Variants in COL4A1 observed in about 807,000 individuals in gnomAD.
The protein encoded by COL4A1 is collagen type IV alpha 1 chain.
Under a neutral mutation model 216.6 loss-of-function variants are expected in COL4A1, and 40 were observed. The ratio of observed to expected loss-of-function variants is 0.18; its 90% CI spans 0.14 to 0.24. The LOEUF is 0.24. Among genes scored for constraint, COL4A1 ranks in the 10% least tolerant of loss-of-function variants. The probability of loss-of-function intolerance (pLI) is 1.00; values close to 1 mark genes in which losing one functional copy is unlikely to be tolerated. For synonymous variants in COL4A1, 839 were observed against 810.7 expected (o/e 1.03, Z -0.59); for missense variants, 1,628 against 2,196.8 (o/e 0.74, Z 5.18).
At position 110,186,516 on chromosome 13, in the gene COL4A1, C is replaced by G; in HGVS notation, c.1766G>C (p.Gly589Ala). 1 of 1,613,952 alleles carries G rather than the reference C, an allele frequency of 6.2e-7. No homozygotes were observed. Among genetic ancestry groups the G allele is most frequent in the South Asian group, 1.1e-5 (1 of 91,082 alleles). ...VGLKGERGPP[G>A]GVGFPGSRGD... is the part of the protein sequence containing the mutation. ...ACGACTGCCTGGGAATCCAACTCCT[C>G]CAGGGGGGCCACGCTCTCCTTTCAA... The change falls in exon 26 of 52, where the codon GGA becomes GCA. Residue 589 changes from glycine (G) to alanine (A), a missense_variant. This residue lies in a region of COL4A1 where 701 missense variants were observed against 892.5 expected (regional missense o/e 0.79). Transcript: ENST00000375820.
intron 2 of COL4A1, among the ~76,000 whole-genome samples, chr13:110,219,682 A>G (rs200491563): frequency 0.031 from 4,190 of 133,648 alleles, 101 homozygotes; most frequent in Non-Finnish European, 0.046. Flanking sequence ...ATATATGTGT[A>G]TATATATGTA....
intron 1 of COL4A1, among the ~76,000 whole-genome samples, chr13:110,297,279 G>C (rs909097592): frequency 2.0e-5 from 3 of 152,066 alleles, no homozygotes; most frequent in African/African-American, 7.2e-5. Context: ...TTATCACTTC[G>C]GATTCCAAGA....
chr13:110,276,037 G>A (rs1475683920), intron 1 of COL4A1, among the ~76,000 whole-genome samples: 1 of 112,346 alleles, frequency 8.9e-6, no homozygotes, highest in African/African-American at 3.5e-5. Flanking sequence ...AGCACCGAGA[G>A]TGAACCCCAG....
chr13:110,204,209 G>A (rs892351138), intron 17 of COL4A1, among the ~76,000 whole-genome samples: 1 of 152,006 alleles, frequency 6.6e-6, no homozygotes. Flanking sequence ...AAACGTCATC[G>A]TAATGATTTA....
intron 49 of COL4A1, among the ~76,000 whole-genome samples, chr13:110,158,739 CTTTT>C (rs556230875): frequency 4.7e-5 from 5 of 105,824 alleles, no homozygotes; most frequent in Admixed American, 1.0e-4. Context: ...AAGAAATAAA[CTTTT>C]TTTTTTTTTT....
intron 28 of COL4A1, among the ~76,000 whole-genome samples, chr13:110,182,702 C>G (rs3783111): frequency 6.6e-6 from 1 of 152,030 alleles, no homozygotes; most frequent in Admixed American, 6.5e-5. Flanking sequence ...GTCTTCCTCA[C>G]GGATAAAAAG....
intron 2 of COL4A1, among the ~76,000 whole-genome samples, chr13:110,238,136 A>C (rs1881405904): frequency 6.6e-6 from 1 of 152,228 alleles, no homozygotes; most frequent in African/African-American, 2.4e-5. Context: ...TAGACAATCT[A>C]ATTAGTAATA....
intron 1 of COL4A1, among the ~76,000 whole-genome samples, chr13:110,253,404 ATAT>A (rs1882313500): frequency 3.0e-4 from 1 of 3,294 alleles, no homozygotes; most frequent in African/African-American, 4.0e-4. Context: ...ACATATAATT[ATAT>A]GTATTACATA....
At chr13:110,227,576 G>A (rs566776065) in intron 2 of COL4A1, among the ~76,000 whole-genome samples, 2 of 152,234 alleles carry the variant, frequency 1.3e-5, no homozygotes, top group South Asian at 4.2e-4. Context: ...TCTGAGGTCT[G>A]GGACACATCA....
At chr13:110,217,388 C>T (rs374346377) in intron 2 of COL4A1, among the ~76,000 whole-genome samples, 3 of 152,192 alleles carry the variant, frequency 2.0e-5, no homozygotes, top group African/African-American at 7.2e-5. Flanking sequence ...AGTGACCCCC[C>T]ACTTCCACTG....
At chr13:110,290,011 G>C (rs1408714513) in intron 1 of COL4A1, among the ~76,000 whole-genome samples, 3 of 152,214 alleles carry the variant, frequency 2.0e-5, no homozygotes, top group Non-Finnish European at 2.9e-5. Context: ...TGAAGGGAAG[G>C]GTTGGCTGAA....
intron 22 of COL4A1, 95 bp downstream of exon 22, chr13:110,194,928 G>T: frequency 1.0e-6 from 1 of 980,154 alleles, no homozygotes; most frequent in Non-Finnish European, 1.6e-6. Context: ...CCCTAACTCT[G>T]CCCACCCCCA....
At chr13:110,161,114 A>G in intron 49 of COL4A1, 78 bp downstream of exon 49, 1 of 1,473,940 alleles carries the variant, frequency 6.8e-7, no homozygotes, top group Non-Finnish European at 9.5e-7. Context: ...TTGGAGAAAA[A>G]TAGAAAACAT....
Position 110,222,771 on chromosome 13 carries a change from T to TAAAAAAA in COL4A1, c.145-8757_145-8756insTTTTTTT, listed in dbSNP as rs751501177. On this transcript the variant is annotated intron_variant, in intron 2 of 51. Transcript: ENST00000375820. ...CTGGGCGACAGAGCCAGACTCTGCT[T>TAAAAAAA]TAAAAAAAAAAAAAAAAAAAAAAAA... is the stretch of plus-strand genomic sequence containing the variant. Among the ~76,000 whole-genome samples, 39 of 93,406 alleles carry TAAAAAAA rather than the reference T, an allele frequency of 4.2e-4. 1 individual carries two copies. The highest frequency in any genetic ancestry group is 1.4e-3 in the East Asian group (4 of 2,940). 61.3% of individuals were successfully genotyped at this position (93,406 alleles called of 152,430 possible).
intron 1 of COL4A1, among the ~76,000 whole-genome samples, chr13:110,244,968 T>C (rs1023980352): frequency 1.1e-4 from 17 of 152,220 alleles, no homozygotes; most frequent in African/African-American, 3.1e-4. Flanking sequence ...TACCCAATTA[T>C]GGTTGTATTC....
At chr13:110,283,478 T>C (rs913817820) in intron 1 of COL4A1, among the ~76,000 whole-genome samples, 1 of 152,166 alleles carries the variant, frequency 6.6e-6, no homozygotes, top group African/African-American at 2.4e-5. Flanking sequence ...GGCCAAGGTG[T>C]CTGGGCGCCC....
rs372457824 is a variant in COL4A1, at chr13:110,222,530, T to C, written c.145-8515A>G. Among the ~76,000 whole-genome samples the C allele has an allele frequency of 2.7e-5, 4 of 150,780 alleles. 1 individual carries two copies. In the South Asian group the frequency reaches 8.5e-4, roughly 32 times the overall value. On this transcript the variant is annotated intron_variant, in intron 2 of 51. Coordinates refer to ENST00000375820, the MANE Select transcript of COL4A1 (RefSeq NM_001845.6). ...GGCTCACGCCTGTAATCCTAGCACT[T>C]TGGGAGGCCGAGGCGGGTGGATCAC...
intron 1 of COL4A1, among the ~76,000 whole-genome samples, chr13:110,281,609 T>C (rs1035646328): frequency 6.6e-6 from 1 of 152,124 alleles, no homozygotes; most frequent in Non-Finnish European, 1.5e-5. Context: ...ATCTATAAAT[T>C]AAGTAATTAA....
chr13:110,169,837 A>G, intron 42 of COL4A1, 75 bp from the exon 43 acceptor site: 1 of 1,588,744 alleles, frequency 6.3e-7, no homozygotes, highest in Non-Finnish European at 8.6e-7. Flanking sequence ...GGCTATCAAT[A>G]CTGCCACCCA....
Sources: allele counts gnomAD v4.1 joint callset (sites outside exome capture counted in the v4.1 genomes callset), GRCh38; gene constraint gnomAD v4.1.1; regional missense constraint gnomAD v4.1.1; transcripts MANE v1.5; gene names NCBI Gene and HGNC (gene_info 2026-07-23, HGNC 2026-07-21).